SLC52A1: variants seen among roughly 807,000 people sequenced by gnomAD.
The protein encoded by SLC52A1 is solute carrier family 52, riboflavin transporter, member 1.
SLC52A1 carries 20 observed loss-of-function variants against 23.2 expected under a neutral mutation model. The observed-to-expected ratio is 0.86, with a 90% CI of 0.61 to 1.25. The LOEUF is 1.25. Among genes scored for constraint, SLC52A1 ranks in the 50% most tolerant of loss-of-function variants. The pLI is 0.00. For synonymous variants in SLC52A1, 260 were observed against 256.6 expected (o/e 1.01, Z -0.13); for missense variants, 528 against 557.0 (o/e 0.95, Z 0.52).
chr17:5,041,651 G>C (rs1172531015), intron 1 of SLC52A1, among the ~76,000 whole-genome samples: 1 of 151,912 alleles, frequency 6.6e-6, no homozygotes, highest in Non-Finnish European at 1.5e-5. Flanking sequence ...CTAATTTTTT[G>C]TATTTTTAGT....
At chr17:5,036,391 G>A (rs962562813), upstream of SLC52A1, among the ~76,000 whole-genome samples, 2 of 142,492 alleles carry the variant, frequency 1.4e-5, no homozygotes, top group African/African-American at 5.2e-5. Context: ...GTGCACACCT[G>A]GCTAATTTTT....
chr17:5,033,140 C>T lies in SLC52A1; in HGVS notation c.1164G>A (p.Val388=), dbSNP rs761211633. The T allele has an allele frequency of 6.2e-7, 1 of 1,613,902 alleles. No individual in the cohort carries two copies. Among genetic ancestry groups the T allele is most frequent in the Non-Finnish European group, 8.5e-7 (1 of 1,180,024 alleles). The stretch of plus-strand genomic sequence containing the variant: ...TTGCAGCCACCTTCACATATGAGAA[C>T]ACACACAGACACAGCACCCACGACA... ...VVLSWVLCLC[V]FSYVKVAASS... Residue 388 remains valine, a synonymous_variant, in exon 5 of 5, where the codon GTG becomes GTA. Coordinates refer to ENST00000254853, the MANE Select transcript of SLC52A1 (RefSeq NM_017986.4).
At chr17:5,038,502 C>T (rs1203036406), upstream of SLC52A1, among the ~76,000 whole-genome samples, 1 of 152,098 alleles carries the variant, frequency 6.6e-6, no homozygotes, top group African/African-American at 2.4e-5. Context: ...GAAATGGGGT[C>T]ACATTTAGTT....
chr17:5,034,797 A>C, intron 1 of SLC52A1, 64 bp downstream of exon 1: 9 of 514,254 alleles, frequency 1.8e-5, no homozygotes, highest in East Asian at 5.0e-5. Context: ...GACTGCTAAG[A>C]CCAGGGCAAC....
chr17:5,034,719 G>C lies in SLC52A1; in HGVS notation c.-107-6C>G, dbSNP rs1975418099. The C allele has an allele frequency of 7.0e-7, 1 of 1,427,926 alleles. No homozygotes were observed. Among genetic ancestry groups the C allele is most frequent in the South Asian group, 1.3e-5 (1 of 75,790 alleles). 88.5% of individuals were successfully genotyped at this position (1,427,926 alleles called of 1,614,324 possible). On this transcript the variant is annotated splice_region_variant and splice_polypyrimidine_tract_variant and intron_variant, in intron 1 of 4. Coordinates refer to ENST00000254853, the MANE Select transcript of SLC52A1 (RefSeq NM_017986.4). Reference sequence around the variant, plus strand: ...GGAAACTGAAGACCTTCTAGCTGGAGGGAAACAGACAGGCTGGCAGGTAAT... The same window carrying C: ...GGAAACTGAAGACCTTCTAGCTGGACGGAAACAGACAGGCTGGCAGGTAAT...
chr17:5,038,796 G>A (rs138189747), upstream of SLC52A1, among the ~76,000 whole-genome samples: 2,008 of 151,934 alleles, frequency 0.013, 24 homozygotes, highest in South Asian at 0.022. Context: ...CACCGTGTTA[G>A]CCAGGATGGT....
upstream of SLC52A1, among the ~76,000 whole-genome samples, chr17:5,038,605 G>A (rs1796057457): frequency 6.7e-6 from 1 of 148,548 alleles, no homozygotes; most frequent in Admixed American, 6.7e-5. Context: ...TTTTTTTTTC[G>A]AGACAGAGTC....
intron 1 of SLC52A1, among the ~76,000 whole-genome samples, chr17:5,041,928 G>A (rs1317778327): frequency 6.6e-6 from 1 of 151,790 alleles, no homozygotes; most frequent in Non-Finnish European, 1.5e-5. Flanking sequence ...TAAGGATATG[G>A]TCTCACTGTG....
At chr17:5,041,457 T>C (rs1975544280) in intron 1 of SLC52A1, among the ~76,000 whole-genome samples, 1 of 151,356 alleles carries the variant, frequency 6.6e-6, no homozygotes, top group Non-Finnish European at 1.5e-5. Context: ...GAATTTTTTT[T>C]TGTTTCTTTG....
Position 5,033,475 on chromosome 17 carries a change from GC to G in SLC52A1, c.1010+3del, listed in dbSNP as rs764155507. On this transcript the variant is annotated splice_donor_region_variant and intron_variant, in intron 3 of 4. Coordinates refer to ENST00000254853, the MANE Select transcript of SLC52A1 (RefSeq NM_017986.4). The stretch of plus-strand genomic sequence containing the variant: ...ACCCACCAAGCCTGGGGACCCTTTT[GC>G]ACCTGCACAGCACGCCCATGGCCAG... 1 of 1,610,438 alleles carries G rather than the reference GC, an allele frequency of 6.2e-7. No individual in the cohort carries two copies. The highest frequency in any genetic ancestry group is 2.2e-5 in the East Asian group (1 of 44,804).
rs141719111 is a variant in SLC52A1 at position 5,033,566 on chromosome 17, T to C, written c.923A>G (p.Tyr308Cys). ...AGCCAGGTGGTAGGCCAGGCGCCCA[T>C]AGGGCAAACAGGAAAAGCTCTGCAC... ...PSVQSFSCLP[Y>C]GRLAYHLAVV... The change falls in exon 3 of 5, where the codon TAT (tyrosine) becomes TGT (cysteine). Residue 308 changes from tyrosine to cysteine, a missense_variant. Physicochemically the swap from Tyr to Cys is radical, Grantham distance 194. Transcript: ENST00000254853. 106 of 1,613,910 alleles carry C rather than the reference T, an allele frequency of 6.6e-5. 1 individual carries two copies. The African/African-American group carries it at 1.3e-3, about 20-fold the overall frequency.
intron 1 of SLC52A1, among the ~76,000 whole-genome samples, chr17:5,041,669 A>G (rs1450283986): frequency 6.6e-6 from 1 of 151,930 alleles, no homozygotes. Context: ...AGTAAAGACA[A>G]GATTTTATCA....
Position 5,034,024 on chromosome 17 carries a change from G to A in SLC52A1, c.465C>T (p.Ala155=), listed in dbSNP as rs761115951. 1.9e-6 allele frequency: 3 copies of A among 1,613,992 alleles called. No homozygotes were observed. Among genetic ancestry groups the A allele is most frequent in the African/African-American group, 1.3e-5 (1 of 74,924 alleles). ...CTAGGGCCAGCACACAGGGGAGTAG[G>A]GCACTGAGACCCTGACCCAGGAAGA... The part of the protein sequence containing the change: ...RSFFLGQGLS[A]LLPCVLALVQ... The change falls in exon 3 of 5, where the codon GCC becomes GCT. Residue 155 remains alanine (A), a synonymous_variant. Transcript: ENST00000254853.
At chr17:5,035,807 A>AC (rs36006991), upstream of SLC52A1, among the ~76,000 whole-genome samples, 148,342 of 148,350 alleles carry the variant, frequency 1, 74,167 homozygotes, top group Middle Eastern at 1. Flanking sequence ...GGATCCTCCC[A>AC]CTCAGCCTCT....
rs150901297 is a variant in SLC52A1, at chr17:5,033,780, A to G, written c.709T>C (p.Ser237Pro). Reference protein sequence around the residue: ...GGSGPELQLGSPGAEEEEKEE... With the variant: ...GGSGPELQLGPPGAEEEEKEE... The stretch of plus-strand genomic sequence containing the variant: ...TTCTCTTCCTCCTCTGCTCCTGGGG[A>G]TCCCAGTTGAAGTTCAGGCCCTGAG... The change falls in exon 3 of 5, where the codon TCC becomes CCC. Residue 237 changes from serine (S) to proline (P), a missense_variant. Coordinates refer to ENST00000254853, the MANE Select transcript of SLC52A1 (RefSeq NM_017986.4). 6.2e-5 allele frequency: 100 copies of G among 1,614,172 alleles called. No individual in the cohort carries two copies. In the Middle Eastern group the frequency reaches 1.5e-3, roughly 24 times the overall value.
Position 5,033,565 on chromosome 17 carries a change from A to G in SLC52A1, c.924T>C (p.Tyr308=), listed in dbSNP as rs369848287. ...CAGCCAGGTGGTAGGCCAGGCGCCCATAGGGCAAACAGGAAAAGCTCTGCA... is the reference window on the plus strand; with the variant it reads ...CAGCCAGGTGGTAGGCCAGGCGCCCGTAGGGCAAACAGGAAAAGCTCTGCA... ...PSVQSFSCLP[Y]GRLAYHLAVV... is the part of the protein sequence containing the mutation. The change falls in exon 3 of 5, where the codon TAT becomes TAC. Residue 308 remains tyrosine (Y), a synonymous_variant. Coordinates refer to ENST00000254853, the MANE Select transcript of SLC52A1 (RefSeq NM_017986.4). The G allele has an allele frequency of 1.9e-6, 3 of 1,613,952 alleles. No individual in the cohort carries two copies. The highest frequency in any genetic ancestry group is 1.1e-5 in the South Asian group (1 of 91,084).
At chr17:5,036,156 C>T (rs1480457178), upstream of SLC52A1, among the ~76,000 whole-genome samples, 3 of 149,708 alleles carry the variant, frequency 2.0e-5, no homozygotes, top group African/African-American at 4.9e-5. Flanking sequence ...CTCAGCCTCC[C>T]GAGTAGCTGG....
intron 1 of SLC52A1, among the ~76,000 whole-genome samples, chr17:5,040,856 T>A (rs1178882276): frequency 2.7e-5 from 4 of 150,460 alleles, no homozygotes; most frequent in African/African-American, 9.8e-5. Context: ...AGTGCAGTGG[T>A]GCGATCTTGG....
At chr17:5,036,109 C>T (rs529302182), upstream of SLC52A1, among the ~76,000 whole-genome samples, 65 of 139,236 alleles carry the variant, frequency 4.7e-4, no homozygotes, top group Middle Eastern at 4.5e-3. Context: ...TGCAATGGCA[C>T]GAGCCTCTGC....
Sources: gnomAD v4.1 joint callset for allele counts (sites outside exome capture counted in the v4.1 genomes callset) on GRCh38, gnomAD v4.1.1 for gene constraint, MANE v1.5 for transcripts, NCBI Gene and HGNC (gene_info 2026-07-23, HGNC 2026-07-21) for gene names.